Variants in SLCO3A1 observed in about 807,000 individuals in gnomAD.
SLCO3A1 encodes solute carrier organic anion transporter family member 3A1.
A neutral mutation model predicts 63.1 loss-of-function variants in SLCO3A1; 27 were observed. The observed-to-expected ratio is 0.43, with a 90% CI of 0.32 to 0.59. The LOEUF (loss-of-function observed/expected upper bound fraction) is 0.59, where lower values mean the gene tolerates loss of function less well. Ranked by LOEUF, SLCO3A1 falls within the 20% of genes least tolerant of loss-of-function variation. The probability of loss-of-function intolerance (pLI) is 0.09; values close to 1 mark genes in which losing one functional copy is unlikely to be tolerated. For synonymous variants in SLCO3A1, 473 were observed against 409.9 expected (o/e 1.15, Z -1.86); for missense variants, 773 against 945.8 (o/e 0.82, Z 2.40).
Position 91,897,016 on chromosome 15 carries a change from A to G in SLCO3A1, c.181-18977A>G, listed in dbSNP as rs767066850. 3.3e-5 allele frequency among the ~76,000 whole-genome samples: 5 copies of G among 152,178 alleles called. No individual in the cohort carries two copies. Among genetic ancestry groups the G allele is most frequent in the South Asian group, 2.1e-4 (1 of 4,832 alleles). The stretch of plus-strand genomic sequence containing the variant: ...GTAGCTCTGTGATTTTAGGAACGAT[A>G]TGTCACTTTTGTGATCTTTAGTTGC... On this transcript the variant is annotated intron_variant, in intron 1 of 9. Coordinates refer to ENST00000318445, the MANE Select transcript of SLCO3A1 (RefSeq NM_013272.4). The surrounding 1 kb of genome is among the most constrained non-coding windows in gnomAD (Gnocchi z 4.7).
chr15:92,008,989 T>A (rs952764150), intron 2 of SLCO3A1, among the ~76,000 whole-genome samples: 19 of 152,198 alleles, frequency 1.2e-4, no homozygotes, highest in African/African-American at 4.6e-4. Context: ...ATATTGTAGA[T>A]GGAGTCATTT....
At chr15:91,929,363 A>G (rs1303163464) in intron 2 of SLCO3A1, among the ~76,000 whole-genome samples, 2 of 152,200 alleles carry the variant, frequency 1.3e-5, no homozygotes, top group Non-Finnish European at 2.9e-5. Flanking sequence ...GGTGACCTTC[A>G]GAAAAAATGA....
rs186133900 is a variant in SLCO3A1, at chr15:92,125,836, T to C, written c.1175-225T>C. On this transcript the variant is annotated intron_variant, in intron 5 of 9. Coordinates refer to ENST00000318445, the MANE Select transcript of SLCO3A1 (RefSeq NM_013272.4). ...GCAGGACAGGTGCGTGCACTTAGAT[T>C]CATGAAGCAGAGTTGCTTTATGTCT... Among the ~76,000 whole-genome samples, 262 of 151,910 alleles carry C rather than the reference T, an allele frequency of 1.7e-3. 1 individual carries two copies. The highest frequency in any genetic ancestry group is 3.4e-3 in the Middle Eastern group (1 of 294).
chr15:92,167,900 T>C (rs540007603), downstream of SLCO3A1, among the ~76,000 whole-genome samples: 3 of 152,370 alleles, frequency 2.0e-5, no homozygotes, highest in African/African-American at 7.2e-5. Flanking sequence ...CAGGGACAAC[T>C]CACACTTCTC....
intron 2 of SLCO3A1, among the ~76,000 whole-genome samples, chr15:91,985,664 G>A (rs116612102): frequency 1.7e-3 from 257 of 152,218 alleles, no homozygotes; most frequent in African/African-American, 5.9e-3. Flanking sequence ...TGGTCCTTAC[G>A]TCAGACAATG....
intron 2 of SLCO3A1, among the ~76,000 whole-genome samples, chr15:91,926,943 T>TTTGGGGTGAGATAAGTCTAGCTAG (rs1899051648): frequency 1.3e-5 from 2 of 152,030 alleles, no homozygotes; most frequent in African/African-American, 4.8e-5. Flanking sequence ...TGACAGGCAT[T>TTTGGGGTGAGATAAGTCTAGCTAG]TTGGGGTGAG....
intron 2 of SLCO3A1, among the ~76,000 whole-genome samples, chr15:92,083,143 C>T (rs1596084299): frequency 6.6e-6 from 1 of 152,146 alleles, no homozygotes; most frequent in Non-Finnish European, 1.5e-5. Context: ...GAGGTAGAAG[C>T]CGTCACCCGT....
At chr15:92,058,947 TG>T (rs1567095458) in intron 2 of SLCO3A1, among the ~76,000 whole-genome samples, 1 of 152,170 alleles carries the variant, frequency 6.6e-6, no homozygotes, top group African/African-American at 2.4e-5. Flanking sequence ...CATCAGTCAT[TG>T]TATTTAGAGC....
intron 1 of SLCO3A1, among the ~76,000 whole-genome samples, chr15:91,887,247 C>T (rs568232108): frequency 5.3e-5 from 8 of 152,264 alleles, no homozygotes; most frequent in African/African-American, 1.4e-4. Context: ...ATATTGTCAT[C>T]CCTTTTACCC....
At position 91,882,595 on chromosome 15, in the gene SLCO3A1, A is replaced by G. The variant is rs955321181; in HGVS notation, c.180+28507A>G. Among the ~76,000 whole-genome samples the G allele has an allele frequency of 1.3e-5, 2 of 151,590 alleles. No individual in the cohort carries two copies. Among genetic ancestry groups the G allele is most frequent in the Admixed American group, 1.3e-4 (2 of 15,244 alleles). ...AGTGGCATGATCTCAGCTCACTGCA[A>G]CCTCCGCCTCCCGGGTTCAAGCGAT... On this transcript the variant is annotated intron_variant, in intron 1 of 9. Transcript: ENST00000318445. The surrounding 1 kb of genome is among the most constrained non-coding windows in gnomAD (Gnocchi z 4.4).
In SLCO3A1 at chr15:92,132,619, GAAAAAAA is replaced by G. The variant is rs11384036; in HGVS notation, c.1512+4137_1512+4143del. On this transcript the variant is annotated intron_variant, in intron 7 of 9. Transcript: ENST00000318445. ...TTTTGATGTACTAAATAATTGAATA[GAAAAAAA>G]AAAAAACTTCCATCAGCCACCAATA... Among the ~76,000 whole-genome samples the G allele has an allele frequency of 1.5e-5, 2 of 136,478 alleles. 1 individual carries two copies. The highest frequency in any genetic ancestry group is 1.5e-4 in the Admixed American group (2 of 13,672). 89.5% of individuals were successfully genotyped at this position (136,478 alleles called of 152,430 possible).
At position 91,942,774 on chromosome 15, in the gene SLCO3A1, C is replaced by G. The variant is rs1272015561; in HGVS notation, c.646+26316C>G. On this transcript the variant is annotated intron_variant, in intron 2 of 9. Transcript: ENST00000318445. The surrounding 1 kb of genome is among the most constrained non-coding windows in gnomAD (Gnocchi z 4.1). ...ATGGGGTTTCTCCATGTTGGCCAGC[C>G]TGGTCTCAAATTCCTGACCTAAAGT... is the stretch of plus-strand genomic sequence containing the variant. Among the ~76,000 whole-genome samples, 1 of 152,134 alleles carries G rather than the reference C, an allele frequency of 6.6e-6. No individual in the cohort carries two copies. Among genetic ancestry groups the G allele is most frequent in the Non-Finnish European group, 1.5e-5 (1 of 68,012 alleles).
intron 1 of SLCO3A1, among the ~76,000 whole-genome samples, chr15:91,896,813 G>A (rs1465223247): frequency 2.0e-5 from 3 of 152,222 alleles, no homozygotes; most frequent in African/African-American, 7.2e-5. Context: ...TCTGATTAGT[G>A]TGAATAAAGG....
intron 2 of SLCO3A1, among the ~76,000 whole-genome samples, chr15:91,960,714 C>G (rs953054022): frequency 6.6e-6 from 1 of 152,188 alleles, no homozygotes; most frequent in Non-Finnish European, 1.5e-5. Context: ...CTTCTTTGCT[C>G]ATCCTACAGG....
At chr15:91,867,555 A>G (rs1307160909) in intron 1 of SLCO3A1, among the ~76,000 whole-genome samples, 1 of 150,850 alleles carries the variant, frequency 6.6e-6, no homozygotes, top group Non-Finnish European at 1.5e-5. Flanking sequence ...CCTCGGATGT[A>G]TCAGTTCTGG....
In SLCO3A1 at chr15:92,159,483, C is replaced by CAA. The variant is rs202140776; in HGVS notation, c.1754-3260_1754-3259dup. Among the ~76,000 whole-genome samples, 56 of 128,460 alleles carry CAA rather than the reference C, an allele frequency of 4.4e-4. 1 individual carries two copies. The Middle Eastern group carries it at 0.013, about 30-fold the overall frequency. 84.3% of individuals were successfully genotyped at this position (128,460 alleles called of 152,430 possible). A position where few individuals can be genotyped will look rare whatever the true frequency, so the allele number is the denominator to read the frequency against. The stretch of plus-strand genomic sequence containing the variant: ...CTGGCCACAGAACGAAACTCTGTCT[C>CAA]AAAAAAAAAAAAAATTTATTTCATC... On this transcript the variant is annotated intron_variant, in intron 9 of 9. Coordinates refer to ENST00000318445, the MANE Select transcript of SLCO3A1 (RefSeq NM_013272.4).
chr15:92,171,599 C>G (rs2151610000), intron 10 of SLCO3A1: 1 of 553,700 alleles, frequency 1.8e-6, no homozygotes, highest in Non-Finnish European at 3.2e-6. Context: ...TCTCTGGGCT[C>G]AGAGTCTGGT....
In SLCO3A1 at chr15:91,883,875, C is replaced by T. The variant is rs1897659158; in HGVS notation, c.180+29787C>T. On this transcript the variant is annotated intron_variant, in intron 1 of 9. Transcript: ENST00000318445. This position sits in a 1 kb window ranked among gnomAD's most constrained non-coding sequence, Gnocchi z 4.8. ...GTGTTACATGCATTTCTTCTGCTGT[C>T]CTTTTCATCCTCACACTGAGATGCT... is the stretch of plus-strand genomic sequence containing the variant. Among the ~76,000 whole-genome samples, 1 of 152,176 alleles carries T rather than the reference C, an allele frequency of 6.6e-6. No homozygotes were observed. Among genetic ancestry groups the T allele is most frequent in the Non-Finnish European group, 1.5e-5 (1 of 68,026 alleles).
rs144147428 is a variant in SLCO3A1 at position 92,106,030 on chromosome 15, C to T, written c.1009+1488C>T. On this transcript the variant is annotated intron_variant, in intron 4 of 9. Coordinates refer to ENST00000318445, the MANE Select transcript of SLCO3A1 (RefSeq NM_013272.4). Reference sequence around the variant, plus strand: ...TTAACTGCCCCCTGCTTCTTTTCCACGAATGTAAAACTGTAATAACACAGT... The same window carrying T: ...TTAACTGCCCCCTGCTTCTTTTCCATGAATGTAAAACTGTAATAACACAGT... 6.2e-4 allele frequency among the ~76,000 whole-genome samples: 95 copies of T among 152,310 alleles called. 1 individual carries two copies. In the East Asian group the frequency reaches 0.012, roughly 19 times the overall value.
Sources: gnomAD v4.1 joint callset for allele counts (sites outside exome capture counted in the v4.1 genomes callset) on GRCh38, gnomAD v4.1.1 for gene constraint, Gnocchi (gnomAD v3.1) non-coding constraint, MANE v1.5 for transcripts, NCBI Gene and HGNC (gene_info 2026-07-23, HGNC 2026-07-21) for gene names.